NXPE2: variants seen among roughly 807,000 people sequenced by gnomAD.
The protein encoded by NXPE2 is neurexophilin and PC-esterase domain family member 2, also known as NXPE family member 2.
Under a neutral mutation model 34.4 loss-of-function variants are expected in NXPE2, and 34 were observed. The observed-to-expected ratio is 0.99, with a 90% CI of 0.75 to 1.31. The LOEUF is 1.31. Ranked by LOEUF, NXPE2 falls within the 40% of genes most tolerant of loss-of-function variation. NXPE2 has a pLI of 0.00. For synonymous variants in NXPE2, 235 were observed against 231.3 expected (o/e 1.02, Z -0.15); for missense variants, 649 against 672.5 (o/e 0.97, Z 0.39).
chr11:114,464,528 T>C, the NXPE2 span, among the ~76,000 whole-genome samples: 19 of 152,334 alleles, frequency 1.2e-4, no homozygotes, highest in African/African-American at 4.6e-4. Context: ...TTCAATAGTA[T>C]GTAATCTGCA....
the NXPE2 span, chr11:114,529,656 C>T: frequency 6.3e-6 from 1 of 158,958 alleles, no homozygotes; most frequent in Admixed American, 5.8e-5. Flanking sequence ...ATCATGGGAT[C>T]AACTGGAGAA....
At chr11:114,664,591 G>T in the NXPE2 span, among the ~76,000 whole-genome samples, 1 of 152,138 alleles carries the variant, frequency 6.6e-6, no homozygotes, top group Admixed American at 6.6e-5. Context: ...CTCCTTGAAA[G>T]TACAGATTCC....
At chr11:114,626,481 A>T in the NXPE2 span, among the ~76,000 whole-genome samples, 3 of 152,202 alleles carry the variant, frequency 2.0e-5, no homozygotes, top group Non-Finnish European at 4.4e-5. Context: ...TGTTAGAAGG[A>T]AAACTAACAG....
chr11:114,610,891 G>A, the NXPE2 span, among the ~76,000 whole-genome samples: 5 of 151,814 alleles, frequency 3.3e-5, no homozygotes, highest in Non-Finnish European at 5.9e-5. Flanking sequence ...ATTGTCTCAT[G>A]GGTAATCAAT....
At chr11:114,621,395 G>A in the NXPE2 span, among the ~76,000 whole-genome samples, 2 of 152,150 alleles carry the variant, frequency 1.3e-5, no homozygotes, top group African/African-American at 4.8e-5. Context: ...TATCTCGTGG[G>A]TAACCACAGT....
At chr11:114,535,366 A>G in the NXPE2 span, among the ~76,000 whole-genome samples, 10 of 152,172 alleles carry the variant, frequency 6.6e-5, no homozygotes, top group African/African-American at 9.7e-5. Flanking sequence ...GGAAGAAACT[A>G]CATCAACTAA....
the NXPE2 span, chr11:114,522,291 G>T: frequency 6.2e-7 from 1 of 1,613,940 alleles, no homozygotes; most frequent in African/African-American, 1.3e-5. Flanking sequence ...GGTCTAAAGT[G>T]CTGGCCAAAG....
the NXPE2 span, among the ~76,000 whole-genome samples, chr11:114,778,039 G>A: frequency 1.3e-5 from 2 of 152,202 alleles, no homozygotes; most frequent in African/African-American, 2.4e-5. Context: ...CAATTCTGAT[G>A]TGTGTTTCAA....
chr11:114,761,312 A>C, the NXPE2 span, among the ~76,000 whole-genome samples: 1 of 152,168 alleles, frequency 6.6e-6, no homozygotes, highest in Non-Finnish European at 1.5e-5. Flanking sequence ...TTCAGCTATG[A>C]ACTGAAAGAG....
At chr11:114,725,976 A>AAATATATAT in the NXPE2 span, among the ~76,000 whole-genome samples, 60 of 101,764 alleles carry the variant, frequency 5.9e-4, 3 homozygotes, top group Admixed American at 5.6e-3. Context: ...ATAAAAAAAA[A>AAATATATAT]ATATATATAT....
At chr11:114,747,934 G>T in the NXPE2 span, among the ~76,000 whole-genome samples, 2 of 152,242 alleles carry the variant, frequency 1.3e-5, no homozygotes, top group East Asian at 3.9e-4. Flanking sequence ...CTCCTATTTA[G>T]CTGAATTTTG....
At chr11:114,720,805 T>C in the NXPE2 span, among the ~76,000 whole-genome samples, 3 of 152,220 alleles carry the variant, frequency 2.0e-5, no homozygotes, top group African/African-American at 7.2e-5. Context: ...TACATTTCTA[T>C]TTTTAATGTA....
chr11:114,521,849 A>G, the NXPE2 span: 3 of 788,862 alleles, frequency 3.8e-6, no homozygotes, highest in African/African-American at 5.2e-5. Context: ...CTTCCTCCCC[A>G]AACAGATTCT....
chr11:114,751,400 T>C, the NXPE2 span, among the ~76,000 whole-genome samples: 2 of 152,188 alleles, frequency 1.3e-5, no homozygotes, highest in Non-Finnish European at 2.9e-5. Flanking sequence ...ATTTAGTGAG[T>C]TCCTAATGTG....
chr11:114,714,194 G>A, the NXPE2 span, among the ~76,000 whole-genome samples: 1 of 152,148 alleles, frequency 6.6e-6, no homozygotes, highest in African/African-American at 2.4e-5. Context: ...AGTGCTTTGT[G>A]TTGTACCTTT....
the NXPE2 span, among the ~76,000 whole-genome samples, chr11:114,801,443 G>C: frequency 6.6e-6 from 1 of 152,106 alleles, no homozygotes; most frequent in Non-Finnish European, 1.5e-5. Context: ...GATGGACAGG[G>C]GACAGATCAT....
In NXPE2 at chr11:114,706,865, A is replaced by T; in HGVS notation, c.1615A>T (p.Asn539Tyr). The change falls in exon 6 of 6, where the codon AAT becomes TAT. Residue 539 changes from asparagine to tyrosine, a missense_variant. By Grantham distance (143) the Asn-to-Tyr change is moderately radical. Coordinates refer to ENST00000389586, the MANE Select transcript of NXPE2 (RefSeq NM_182495.6). ...CATGACGATTGCATATTGCACCAAC[A>T]ATGCCCATCCACCGGATTATGTGAT... ...WDMTIAYCTNNAHPPDYVIQN... is the reference protein window; with the variant it reads ...WDMTIAYCTNYAHPPDYVIQN... 4 of 1,551,974 alleles carry T rather than the reference A, an allele frequency of 2.6e-6. No homozygotes were observed. Among genetic ancestry groups the T allele is most frequent in the Non-Finnish European group, 3.5e-6 (4 of 1,146,944 alleles).
chr11:114,766,809 A>G, the NXPE2 span, among the ~76,000 whole-genome samples: 42 of 152,218 alleles, frequency 2.8e-4, no homozygotes, highest in African/African-American at 9.4e-4. Flanking sequence ...TTTCTTTCCA[A>G]TTAACTCATG....
rs993809453 is a variant in NXPE2 at position 114,678,740 on chromosome 11, AC to A, written c.26+140del. Reference sequence around the variant, plus strand: ...AATCGTTTTATTTGGGCATAAAAATACTTTTAAAATGGAATACAATTCAATG... The same window carrying A: ...AATCGTTTTATTTGGGCATAAAAATATTTTAAAATGGAATACAATTCAATG... On this transcript the variant is annotated intron_variant, in intron 1 of 5. Transcript: ENST00000389586. The A allele has an allele frequency of 6.3e-6, 4 of 636,128 alleles. No individual in the cohort carries two copies. In the African/African-American group the frequency reaches 7.4e-5, roughly 12 times the overall value. 39.4% of individuals were successfully genotyped at this position (636,128 alleles called of 1,614,324 possible). A position where few individuals can be genotyped will look rare whatever the true frequency, so the allele number is the denominator to read the frequency against.
Sources: allele counts gnomAD v4.1 joint callset (sites outside exome capture counted in the v4.1 genomes callset), GRCh38; gene constraint gnomAD v4.1.1; transcripts MANE v1.5; gene names NCBI Gene and HGNC (gene_info 2026-07-23, HGNC 2026-07-21).